Variants in BBS9 observed in about 807,000 individuals in gnomAD.
The protein encoded by BBS9 is Bardet-Biedl syndrome 9, also known as protein PTHB1.
BBS9 carries 89 observed loss-of-function variants against 117.7 expected under a neutral mutation model. The ratio of observed to expected loss-of-function variants is 0.76; its 90% CI spans 0.64 to 0.90. The LOEUF (loss-of-function observed/expected upper bound fraction) is 0.90, where lower values mean the gene tolerates loss of function less well. Among genes scored for constraint, BBS9 ranks in the 40% least tolerant of loss-of-function variants. BBS9 has a pLI of 0.00. For missense variants in BBS9, 982 were observed against 1,042.2 expected (o/e 0.94, Z 0.80); for synonymous variants, 379 against 370.9 (o/e 1.02, Z -0.25).
chr7:33,151,148 A>G (rs568079681), intron 2 of BBS9, among the ~76,000 whole-genome samples: 1 of 152,190 alleles, frequency 6.6e-6, no homozygotes, highest in Non-Finnish European at 1.5e-5. Flanking sequence ...GCCACTCAGG[A>G]GGCTGAGGTG....
At chr7:33,305,437 G>A (rs1329709109) in intron 9 of BBS9, among the ~76,000 whole-genome samples, 1 of 152,094 alleles carries the variant, frequency 6.6e-6, no homozygotes, top group Non-Finnish European at 1.5e-5. Context: ...GAAAGAGTTA[G>A]GAAGTATTCC....
At chr7:33,565,831 C>CCATATATATA (rs1563370308) in intron 21 of BBS9, among the ~76,000 whole-genome samples, 2 of 28,450 alleles carry the variant, frequency 7.0e-5, no homozygotes, top group African/African-American at 9.8e-4. Context: ...ATATATACCG[C>CCATATATATA]TATATATACT....
intron 19 of BBS9, among the ~76,000 whole-genome samples, chr7:33,456,680 G>T (rs1838702731): frequency 6.6e-6 from 1 of 151,772 alleles, no homozygotes; most frequent in African/African-American, 2.4e-5. Flanking sequence ...CAGATAGAAT[G>T]GAAAGTTCAG....
At chr7:33,486,386 A>G (rs953911457) in intron 19 of BBS9, among the ~76,000 whole-genome samples, 25 of 152,216 alleles carry the variant, frequency 1.6e-4, no homozygotes, top group Admixed American at 1.6e-3. Flanking sequence ...TCTCCTGTTC[A>G]GTTGTATCAC....
intron 21 of BBS9, among the ~76,000 whole-genome samples, chr7:33,560,699 C>A (rs981378270): frequency 1.3e-5 from 2 of 152,096 alleles, no homozygotes; most frequent in Non-Finnish European, 2.9e-5. Flanking sequence ...TCAAATACTC[C>A]AGGCCCTTCT....
intron 5 of BBS9, among the ~76,000 whole-genome samples, chr7:33,222,590 C>T (rs1313869366): frequency 5.9e-5 from 9 of 152,064 alleles, no homozygotes; most frequent in Admixed American, 5.9e-4. Context: ...TTCTATTCTC[C>T]ATTTTTCTGC....
intron 5 of BBS9, among the ~76,000 whole-genome samples, chr7:33,206,451 C>A (rs1786940084): frequency 6.6e-6 from 1 of 151,986 alleles, no homozygotes; most frequent in Non-Finnish European, 1.5e-5. Flanking sequence ...CTTTCTTTTT[C>A]TCTGAGGTTA....
At chr7:33,577,295 G>A (rs933191691) in intron 21 of BBS9, among the ~76,000 whole-genome samples, 6 of 152,180 alleles carry the variant, frequency 3.9e-5, no homozygotes, top group Non-Finnish European at 8.8e-5. Flanking sequence ...ACAGACACAT[G>A]AAAAAATGCT....
chr7:33,400,420 A>G (rs1019706697), intron 19 of BBS9, among the ~76,000 whole-genome samples: 6 of 152,062 alleles, frequency 3.9e-5, no homozygotes, highest in Non-Finnish European at 5.9e-5. Flanking sequence ...TCTGTTATCT[A>G]TCTTCCTGTT....
intron 20 of BBS9, among the ~76,000 whole-genome samples, chr7:33,525,292 C>T (rs1849312213): frequency 7.4e-6 from 1 of 134,576 alleles, no homozygotes; most frequent in Non-Finnish European, 1.6e-5. Context: ...AGTTCAATTC[C>T]TGGGTATCCT....
intron 20 of BBS9, among the ~76,000 whole-genome samples, chr7:33,532,198 A>T (rs1001965591): frequency 5.3e-5 from 8 of 152,228 alleles, no homozygotes; most frequent in African/African-American, 1.7e-4. Context: ...CAGCTAAAGA[A>T]TAGAGGTTAG....
intron 21 of BBS9, among the ~76,000 whole-genome samples, chr7:33,549,527 A>T (rs1410321864): frequency 2.6e-5 from 4 of 151,086 alleles, no homozygotes; most frequent in Non-Finnish European, 5.9e-5. Flanking sequence ...CAAGCTACTC[A>T]TCTGACAAAG....
At chr7:33,256,110 G>A (rs1169223414) in intron 5 of BBS9, among the ~76,000 whole-genome samples, 1 of 152,076 alleles carries the variant, frequency 6.6e-6, no homozygotes, top group African/African-American at 2.4e-5. Context: ...CTGAGATCGT[G>A]CCACTGCACT....
chr7:33,627,478 TGAGAA>T (rs1299539693), intron 21 of BBS9, among the ~76,000 whole-genome samples: 1 of 152,134 alleles, frequency 6.6e-6, no homozygotes, highest in Non-Finnish European at 1.5e-5. Flanking sequence ...AGTAGAGCTG[TGAGAA>T]GAGGTCCACC....
intron 5 of BBS9, among the ~76,000 whole-genome samples, chr7:33,237,440 G>C (rs967800571): frequency 6.6e-6 from 1 of 152,178 alleles, no homozygotes; most frequent in African/African-American, 2.4e-5. Context: ...GGCTCACTCT[G>C]CCTTAGTATA....
chr7:33,384,951 T>G (rs1444484518), intron 18 of BBS9, among the ~76,000 whole-genome samples: 1 of 152,090 alleles, frequency 6.6e-6, no homozygotes, highest in Admixed American at 6.6e-5. Flanking sequence ...TTGGTCAAAT[T>G]GTAGCACCAA....
chr7:33,599,088 C>A (rs1417733224), intron 21 of BBS9, among the ~76,000 whole-genome samples: 1 of 152,144 alleles, frequency 6.6e-6, no homozygotes, highest in African/African-American at 2.4e-5. Flanking sequence ...TCTGGCCAAC[C>A]CCCTGGTTTA....
intron 19 of BBS9, among the ~76,000 whole-genome samples, chr7:33,452,487 C>G (rs1223728947): frequency 6.6e-6 from 1 of 152,114 alleles, no homozygotes; most frequent in African/African-American, 2.4e-5. Flanking sequence ...GGAACTTTGC[C>G]TTTAATGTCT....
chr7:33,235,778 G>A (rs1793359448), intron 5 of BBS9, among the ~76,000 whole-genome samples: 1 of 152,086 alleles, frequency 6.6e-6, no homozygotes, highest in African/African-American at 2.4e-5. Context: ...AAGTGAAGGG[G>A]AAAAGTAGAG....
Sources: gnomAD v4.1 joint callset for allele counts (sites outside exome capture counted in the v4.1 genomes callset) on GRCh38, gnomAD v4.1.1 for gene constraint, MANE v1.5 for transcripts, NCBI Gene and HGNC (gene_info 2026-07-23, HGNC 2026-07-21) for gene names.